HTR1F: variants seen among roughly 807,000 people sequenced by gnomAD.
The protein encoded by HTR1F is 5-hydroxytryptamine receptor 1F, also known as 5-hydroxytryptamine (serotonin) receptor 1F, G protein-coupled.
Under a neutral mutation model 24.0 loss-of-function variants are expected in HTR1F, and 17 were observed. That is an observed-to-expected ratio of 0.71 (90% CI 0.48 to 1.06). The LOEUF is 1.06. Ranked by LOEUF, HTR1F falls within the 50% of genes least tolerant of loss-of-function variation. HTR1F has a pLI of 0.00. For synonymous variants in HTR1F, 186 were observed against 156.8 expected (o/e 1.19, Z -1.39); for missense variants, 391 against 427.8 (o/e 0.91, Z 0.76).
chr3:87,829,814 C>T (rs1019942069), intron 2 of HTR1F, among the ~76,000 whole-genome samples: 11 of 151,666 alleles, frequency 7.3e-5, no homozygotes, highest in African/African-American at 2.7e-4. Context: ...TGTAATTTAC[C>T]CTGTTATGTA....
chr3:87,848,529 C>G (rs1705000876), intron 2 of HTR1F, among the ~76,000 whole-genome samples: 1 of 151,650 alleles, frequency 6.6e-6, no homozygotes, highest in South Asian at 2.1e-4. Context: ...ATATGTCTAG[C>G]ATTTGAAATA....
chr3:87,936,775 T>C (rs1422145905), intron 2 of HTR1F, among the ~76,000 whole-genome samples: 1 of 152,060 alleles, frequency 6.6e-6, no homozygotes, highest in Non-Finnish European at 1.5e-5. Context: ...AGCAAGCCTG[T>C]TTACTACCCA....
chr3:87,816,733 G>C (rs1025778873), intron 1 of HTR1F, among the ~76,000 whole-genome samples: 1 of 152,032 alleles, frequency 6.6e-6, no homozygotes, highest in African/African-American at 2.4e-5. Context: ...CATAGAACAT[G>C]CCTTTAATCC....
chr3:87,896,424 A>G (rs1706200733), intron 2 of HTR1F, among the ~76,000 whole-genome samples: 1 of 152,230 alleles, frequency 6.6e-6, no homozygotes. Flanking sequence ...AAGATAGAAC[A>G]TGTTGTGTAT....
intron 2 of HTR1F, among the ~76,000 whole-genome samples, chr3:87,823,641 A>G (rs980814544): frequency 5.9e-5 from 9 of 151,404 alleles, no homozygotes; most frequent in African/African-American, 1.9e-4. Context: ...CAGCCTCCCT[A>G]GTAGCTGGGA....
At chr3:87,925,794 A>C (rs1704111791) in intron 2 of HTR1F, among the ~76,000 whole-genome samples, 1 of 152,134 alleles carries the variant, frequency 6.6e-6, no homozygotes, top group South Asian at 2.1e-4. Context: ...ACACTGCTAG[A>C]GATCTCCCCT....
intron 2 of HTR1F, among the ~76,000 whole-genome samples, chr3:87,983,250 C>T (rs950793322): frequency 2.0e-5 from 3 of 151,952 alleles, no homozygotes; most frequent in African/African-American, 7.3e-5. Context: ...GAGGCCAGAT[C>T]CAGCAGGCAG....
chr3:87,950,991 T>G (rs1201742702), intron 2 of HTR1F, among the ~76,000 whole-genome samples: 1 of 152,186 alleles, frequency 6.6e-6, no homozygotes, highest in Non-Finnish European at 1.5e-5. Context: ...CCCTATTTTG[T>G]CTGGGTCTAA....
At chr3:87,958,675 C>T (rs1370487894) in intron 2 of HTR1F, among the ~76,000 whole-genome samples, 1 of 151,542 alleles carries the variant, frequency 6.6e-6, no homozygotes, top group East Asian at 1.9e-4. Context: ...TTATCTAGTC[C>T]AGTTCTGCTG....
At chr3:87,833,094 C>T (rs1704616478) in intron 2 of HTR1F, among the ~76,000 whole-genome samples, 1 of 152,108 alleles carries the variant, frequency 6.6e-6, no homozygotes, top group African/African-American at 2.4e-5. Context: ...AATTTTTAAG[C>T]TGCAAAGGAT....
intron 2 of HTR1F, among the ~76,000 whole-genome samples, chr3:87,950,129 T>C (rs1704800968): frequency 1.3e-5 from 2 of 152,216 alleles, no homozygotes; most frequent in South Asian, 4.1e-4. Context: ...AGAACCAATG[T>C]ACTCTTGCAA....
chr3:87,861,869 C>G (rs1705325833), intron 2 of HTR1F, among the ~76,000 whole-genome samples: 1 of 152,054 alleles, frequency 6.6e-6, no homozygotes, highest in Non-Finnish European at 1.5e-5. Context: ...TTTTCACATT[C>G]TAGTTACAAT....
intron 2 of HTR1F, among the ~76,000 whole-genome samples, chr3:87,983,458 A>C (rs1317859060): frequency 6.6e-6 from 1 of 152,164 alleles, no homozygotes; most frequent in African/African-American, 2.4e-5. Flanking sequence ...CCCTAAATTC[A>C]AAACTCTACA....
At chr3:87,838,516 T>A (rs187923056) in intron 2 of HTR1F, among the ~76,000 whole-genome samples, 136 of 152,284 alleles carry the variant, frequency 8.9e-4, no homozygotes, top group Non-Finnish European at 1.5e-3. Flanking sequence ...AGGTTTTTTT[T>A]ATATTACTTA....
At chr3:87,876,921 A>G (rs1007993292) in intron 2 of HTR1F, among the ~76,000 whole-genome samples, 1 of 152,146 alleles carries the variant, frequency 6.6e-6, no homozygotes, top group African/African-American at 2.4e-5. Context: ...AAAAATCACT[A>G]AGGTGGTAAA....
At chr3:87,968,451 G>A (rs527821920) in intron 2 of HTR1F, among the ~76,000 whole-genome samples, 1 of 152,178 alleles carries the variant, frequency 6.6e-6, no homozygotes, top group East Asian at 1.9e-4. Flanking sequence ...GACCTCAGGT[G>A]ATCACCCACC....
chr3:87,800,316 A>G (rs1407754544), intron 1 of HTR1F, among the ~76,000 whole-genome samples: 2 of 152,104 alleles, frequency 1.3e-5, no homozygotes, highest in Non-Finnish European at 2.9e-5. Flanking sequence ...CCCACTAGCT[A>G]TGCTCAGCAA....
At position 87,991,870 on chromosome 3, in the gene HTR1F, T is replaced by C. The variant is rs1371879536; in HGVS notation, c.*20T>C. 9 of 1,533,540 alleles carry C rather than the reference T, an allele frequency of 5.9e-6. No homozygotes were observed. Among genetic ancestry groups the C allele is most frequent in the Non-Finnish European group, 7.0e-6 (8 of 1,142,834 alleles). The allele number at this position is 1,533,540 out of a possible 1,614,324, so 95.0% of individuals were successfully genotyped here. On this transcript the variant is annotated 3_prime_UTR_variant, in exon 3 of 3. Coordinates refer to ENST00000319595, the MANE Select transcript of HTR1F (RefSeq NM_001322209.2). ...TGTTAGTTTTAAAAATGTTTATTAT[T>C]GAAGGATGGGGGTTTTTGAGGGGAG...
At chr3:87,874,989 T>A (rs1705638334) in intron 2 of HTR1F, among the ~76,000 whole-genome samples, 1 of 152,126 alleles carries the variant, frequency 6.6e-6, no homozygotes, top group African/African-American at 2.4e-5. Context: ...CAACTTAAAA[T>A]GGATTAAAGA....
Sources: allele counts gnomAD v4.1 joint callset (sites outside exome capture counted in the v4.1 genomes callset), GRCh38; gene constraint gnomAD v4.1.1; transcripts MANE v1.5; gene names NCBI Gene and HGNC (gene_info 2026-07-23, HGNC 2026-07-21).